MIB1: variants seen among roughly 807,000 people sequenced by gnomAD.
MIB1 encodes the protein MIB E3 ubiquitin protein ligase 1, also known as E3 ubiquitin-protein ligase MIB1.
A neutral mutation model predicts 124.5 loss-of-function variants in MIB1; 278 were observed. That is an observed-to-expected ratio of 2.23 (90% confidence interval 2.02 to 2.47). The LOEUF (loss-of-function observed/expected upper bound fraction) is 2.47. MIB1 is among the 30% of genes most tolerant of loss of function. MIB1 has a pLI of 0.00. For synonymous variants in MIB1, 446 were observed against 429.4 expected (o/e 1.04, Z -0.48); for missense variants, 957 against 1,254.4 (o/e 0.76, Z 3.58).
chr18:21,744,147 G>T (rs2040887122), intron 1 of MIB1, among the ~76,000 whole-genome samples: 1 of 141,222 alleles, frequency 7.1e-6, no homozygotes, highest in Non-Finnish European at 1.5e-5. Context: ...TAAGCTCCTG[G>T]CTCTTGTTTT....
Position 21,806,489 on chromosome 18 carries a change from A to G in MIB1, c.1479+2475A>G, listed in dbSNP as rs887333909. On this transcript the variant is annotated intron_variant, in intron 10 of 20. Transcript: ENST00000261537. Reference sequence around the variant, plus strand: ...AGTGTTGGAATTACAAGTGTGAGCCATTGCGCCCAGCCTCTTTTTTTCTTA... The same window carrying G: ...AGTGTTGGAATTACAAGTGTGAGCCGTTGCGCCCAGCCTCTTTTTTTCTTA... Among the ~76,000 whole-genome samples the G allele has an allele frequency of 8.5e-5, 13 of 152,150 alleles. 1 individual carries two copies. Among genetic ancestry groups the G allele is most frequent in the Non-Finnish European group, 2.9e-5 (2 of 68,034 alleles).
At chr18:21,754,240 T>G (rs191424847) in intron 1 of MIB1, among the ~76,000 whole-genome samples, 1 of 152,368 alleles carries the variant, frequency 6.6e-6, no homozygotes, top group African/African-American at 2.4e-5. Context: ...GATTTTAGTT[T>G]GCATACAGTA....
intron 4 of MIB1, among the ~76,000 whole-genome samples, chr18:21,775,065 C>G (rs2041267641): frequency 6.6e-6 from 1 of 152,000 alleles, no homozygotes; most frequent in Non-Finnish European, 1.5e-5. Context: ...CCTGCCTCAG[C>G]CTTCCTAGTA....
chr18:21,822,808 A>G (rs1347481191), intron 12 of MIB1, among the ~76,000 whole-genome samples: 1 of 152,140 alleles, frequency 6.6e-6, no homozygotes, highest in Admixed American at 6.5e-5. Flanking sequence ...CCTTTATACT[A>G]TAGAAAACCA....
At chr18:21,837,234 C>A (rs183398542) in intron 12 of MIB1, among the ~76,000 whole-genome samples, 11 of 152,278 alleles carry the variant, frequency 7.2e-5, no homozygotes, top group Admixed American at 7.2e-4. Flanking sequence ...AAAGGCCGGG[C>A]GCAGTGGCTC....
chr18:21,755,888 TTGA>T (rs781200446), intron 1 of MIB1, among the ~76,000 whole-genome samples: 4 of 152,228 alleles, frequency 2.6e-5, no homozygotes, highest in East Asian at 1.9e-4. Context: ...ATTTATTGTC[TTGA>T]TGATAATTTT....
chr18:21,743,925 CTG>C (rs749103449), intron 1 of MIB1, among the ~76,000 whole-genome samples: 21 of 152,072 alleles, frequency 1.4e-4, no homozygotes, highest in Non-Finnish European at 2.6e-4. Flanking sequence ...TCAGAAGTAA[CTG>C]TTTTAGAATC....
intron 12 of MIB1, chr18:21,831,121 C>G (rs865843084): frequency 7.3e-6 from 1 of 137,692 alleles, no homozygotes; most frequent in Non-Finnish European, 1.6e-5. Flanking sequence ...AAAAAAAAAA[C>G]AAAAACAGAA....
chr18:21,829,341 T>TC (rs944536963), intron 12 of MIB1: 6 of 283,996 alleles, frequency 2.1e-5, no homozygotes, highest in African/African-American at 1.4e-4. Flanking sequence ...TGCAAGAGAT[T>TC]CAAAGAATCA....
intron 19 of MIB1, among the ~76,000 whole-genome samples, 197 bp downstream of exon 19, chr18:21,857,440 G>A (rs966865868): frequency 6.6e-6 from 1 of 152,174 alleles, no homozygotes; most frequent in African/African-American, 2.4e-5. Flanking sequence ...TGTGATTATG[G>A]AACTGTGAAC....
intron 7 of MIB1, among the ~76,000 whole-genome samples, chr18:21,793,231 C>A (rs910671395): frequency 6.6e-6 from 1 of 152,152 alleles, no homozygotes; most frequent in Admixed American, 6.6e-5. Context: ...GAAAATAGGT[C>A]CATGCTAAAG....
At chr18:21,779,806 G>C in intron 6 of MIB1, 121 bp downstream of exon 6, 2 of 758,768 alleles carry the variant, frequency 2.6e-6, no homozygotes, top group Non-Finnish European at 4.4e-6. Flanking sequence ...TAGATGGTAA[G>C]TAAAAATCCA....
At chr18:21,718,594 C>T (rs1235694671) in intron 1 of MIB1, among the ~76,000 whole-genome samples, 1 of 152,172 alleles carries the variant, frequency 6.6e-6, no homozygotes, top group Non-Finnish European at 1.5e-5. Context: ...CCCAGTTGAG[C>T]CCAGCCACCC....
At position 21,791,367 on chromosome 18, in the gene MIB1, C is replaced by G. The variant is rs372616754; in HGVS notation, c.909-7C>G. On this transcript the variant is annotated splice_polypyrimidine_tract_variant and splice_region_variant and intron_variant, in intron 6 of 20. Transcript: ENST00000261537. ...ACCCATTTTGAGGTTTAGCTTTGCTCTTGTAGGTGGACCTTCAATCCTGCT... is the reference window on the plus strand; with the variant it reads ...ACCCATTTTGAGGTTTAGCTTTGCTGTTGTAGGTGGACCTTCAATCCTGCT... 1 of 1,601,424 alleles carries G rather than the reference C, an allele frequency of 6.2e-7. No homozygotes were observed. The highest frequency in any genetic ancestry group is 1.3e-5 in the African/African-American group (1 of 74,628).
chr18:21,845,043 C>T lies in MIB1; in HGVS notation c.2211+790C>T, dbSNP rs193178656. Among the ~76,000 whole-genome samples the T allele has an allele frequency of 2.8e-3, 426 of 151,798 alleles. 4 individuals are homozygous for T. The highest frequency in any genetic ancestry group is 2.7e-3 in the Non-Finnish European group (182 of 67,936). ...TTTTTTTTTTTGAGATGGAGTCTCGCTCTGTCGCCCAGGCTGGAGTGCAGT... is the reference window on the plus strand; with the variant it reads ...TTTTTTTTTTTGAGATGGAGTCTCGTTCTGTCGCCCAGGCTGGAGTGCAGT... On this transcript the variant is annotated intron_variant, in intron 15 of 20. Coordinates refer to ENST00000261537, the MANE Select transcript of MIB1 (RefSeq NM_020774.4).
intron 1 of MIB1, among the ~76,000 whole-genome samples, chr18:21,762,889 A>G (rs983164859): frequency 2.6e-5 from 4 of 152,150 alleles, no homozygotes; most frequent in Non-Finnish European, 4.4e-5. Flanking sequence ...TGATTTCTGT[A>G]TAAGTATTGC....
intron 12 of MIB1, among the ~76,000 whole-genome samples, chr18:21,829,859 G>A (rs985923162): frequency 6.6e-6 from 1 of 152,102 alleles, no homozygotes; most frequent in Middle Eastern, 3.2e-3. Context: ...ATAACTGTCA[G>A]AATCGTCAAC....
At chr18:21,745,895 C>CCAT (rs1178869706) in intron 1 of MIB1, among the ~76,000 whole-genome samples, 74 of 152,054 alleles carry the variant, frequency 4.9e-4, no homozygotes, top group Admixed American at 1.2e-3. Context: ...TTGGTAGAGA[C>CCAT]GGGGTTTCAC....
At chr18:21,737,453 T>C (rs184049868), upstream of MIB1, among the ~76,000 whole-genome samples, 37 of 152,246 alleles carry the variant, frequency 2.4e-4, no homozygotes, top group Admixed American at 2.1e-3. Flanking sequence ...ATCGACGCTA[T>C]GAAGAAACTG....
Sources: gnomAD v4.1 joint callset for allele counts (sites outside exome capture counted in the v4.1 genomes callset) on GRCh38, gnomAD v4.1.1 for gene constraint, MANE v1.5 for transcripts, NCBI Gene and HGNC (gene_info 2026-07-23, HGNC 2026-07-21) for gene names.